Variants in CCSER1 observed in about 807,000 individuals in gnomAD.
The protein encoded by CCSER1 is coiled-coil serine rich protein 1.
A neutral mutation model predicts 82.0 loss-of-function variants in CCSER1; 41 were observed. That is an observed-to-expected ratio of 0.50 (90% confidence interval 0.39 to 0.65). The LOEUF is 0.65. CCSER1 is among the 30% of genes least tolerant of loss of function. The pLI, the probability that CCSER1 is intolerant of heterozygous loss-of-function variation, is 0.00. For missense variants in CCSER1, 1,119 were observed against 1,064.2 expected, an observed-to-expected ratio of 1.05 and a Z score of -0.72; for synonymous variants, 414 against 383.9, an observed-to-expected ratio of 1.08 and a Z score of -0.92.
intron 9 of CCSER1, among the ~76,000 whole-genome samples, chr4:91,064,838 GA>G (rs763729459): frequency 9.3e-5 from 14 of 150,520 alleles, no homozygotes; most frequent in Non-Finnish European, 1.9e-4. Flanking sequence ...ATACGTAGGG[GA>G]CAGAGGAACA....
intron 10 of CCSER1, among the ~76,000 whole-genome samples, chr4:91,357,363 T>G (rs1748915773): frequency 6.6e-6 from 1 of 152,194 alleles, no homozygotes; most frequent in African/African-American, 2.4e-5. Flanking sequence ...CTCTTTAATC[T>G]TTTATAATTT....
At chr4:90,747,827 A>G (rs1747772391) in intron 7 of CCSER1, among the ~76,000 whole-genome samples, 2 of 96,082 alleles carry the variant, frequency 2.1e-5, no homozygotes, top group African/African-American at 4.1e-5. Flanking sequence ...AACAGTCCCC[A>G]GAGTGTGATG....
intron 5 of CCSER1, among the ~76,000 whole-genome samples, chr4:90,544,109 G>A (rs568047703): frequency 4.6e-5 from 7 of 152,218 alleles, no homozygotes; most frequent in East Asian, 1.9e-4. Context: ...ATGCCTGCAC[G>A]TGTGAGGGGT....
At chr4:90,785,407 C>G (rs960870144) in intron 7 of CCSER1, among the ~76,000 whole-genome samples, 2 of 152,092 alleles carry the variant, frequency 1.3e-5, no homozygotes, top group African/African-American at 4.8e-5. Context: ...TTGACTGGCT[C>G]TCTTTTTAAG....
chr4:91,542,380 T>C (rs1387207104), intron 10 of CCSER1, among the ~76,000 whole-genome samples: 1 of 152,196 alleles, frequency 6.6e-6, no homozygotes, highest in Non-Finnish European at 1.5e-5. Flanking sequence ...TTGAAGTCTT[T>C]AATCCATCTT....
intron 3 of CCSER1, among the ~76,000 whole-genome samples, chr4:90,360,801 C>G (rs1745255187): frequency 6.6e-6 from 1 of 152,020 alleles, no homozygotes; most frequent in Non-Finnish European, 1.5e-5. Flanking sequence ...TATGAATTAC[C>G]ATACGGTTAA....
At chr4:91,089,348 C>T (rs1581527026) in intron 10 of CCSER1, among the ~76,000 whole-genome samples, 2 of 152,214 alleles carry the variant, frequency 1.3e-5, no homozygotes, top group Admixed American at 1.3e-4. Context: ...TAAGGTCAGG[C>T]AGGCCCAGGC....
chr4:91,300,196 G>C (rs1329606089), intron 10 of CCSER1, among the ~76,000 whole-genome samples: 1 of 151,884 alleles, frequency 6.6e-6, no homozygotes, highest in African/African-American at 2.4e-5. Flanking sequence ...ATATTTATAT[G>C]ATCACATATA....
chr4:90,390,082 T>C (rs1423737227), intron 3 of CCSER1, among the ~76,000 whole-genome samples: 1 of 152,134 alleles, frequency 6.6e-6, no homozygotes, highest in Non-Finnish European at 1.5e-5. Context: ...TCAGTAAAGG[T>C]GCAATGAAAG....
intron 3 of CCSER1, among the ~76,000 whole-genome samples, chr4:90,358,404 T>G (rs981089188): frequency 1.3e-5 from 2 of 152,112 alleles, no homozygotes; most frequent in African/African-American, 2.4e-5. Context: ...AATCACATTT[T>G]CCTCACTTCA....
At chr4:90,791,105 G>A (rs1755166839) in intron 7 of CCSER1, among the ~76,000 whole-genome samples, 1 of 152,186 alleles carries the variant, frequency 6.6e-6, no homozygotes, top group South Asian at 2.1e-4. Flanking sequence ...CAGCAGGAAA[G>A]AGAATGAGTG....
At chr4:91,374,583 C>T (rs186611647) in intron 10 of CCSER1, among the ~76,000 whole-genome samples, 40 of 152,270 alleles carry the variant, frequency 2.6e-4, no homozygotes, top group African/African-American at 9.1e-4. Flanking sequence ...TACCTAGTCA[C>T]CTAAGAGCTA....
chr4:91,466,999 A>ACT (rs1756951286), intron 10 of CCSER1, among the ~76,000 whole-genome samples: 1 of 152,216 alleles, frequency 6.6e-6, no homozygotes, highest in African/African-American at 2.4e-5. Flanking sequence ...AATTAGAAAA[A>ACT]AACTACTTTA....
At chr4:90,234,246 C>G (rs190518910) in intron 1 of CCSER1, among the ~76,000 whole-genome samples, 2,512 of 149,868 alleles carry the variant, frequency 0.017, 42 homozygotes, top group South Asian at 0.049. Flanking sequence ...GATGGTGTCT[C>G]GCTCTTGTCA....
intron 10 of CCSER1, among the ~76,000 whole-genome samples, chr4:91,247,521 A>C (rs1739892267): frequency 6.6e-6 from 1 of 152,138 alleles, no homozygotes; most frequent in Non-Finnish European, 1.5e-5. Context: ...AGGCAATGAC[A>C]CACTAACAAG....
intron 7 of CCSER1, among the ~76,000 whole-genome samples, chr4:90,754,787 A>C (rs1749229657): frequency 6.6e-6 from 1 of 152,224 alleles, no homozygotes; most frequent in Non-Finnish European, 1.5e-5. Context: ...GACAAAGAAA[A>C]CAAAAACAGA....
chr4:91,597,344 A>G (rs1047355691), intron 10 of CCSER1, among the ~76,000 whole-genome samples: 1 of 152,112 alleles, frequency 6.6e-6, no homozygotes, highest in African/African-American at 2.4e-5. Context: ...TATTCAGCAA[A>G]TATTTATTAA....
intron 8 of CCSER1, among the ~76,000 whole-genome samples, chr4:90,896,114 C>G (rs980216698): frequency 2.6e-5 from 4 of 151,764 alleles, no homozygotes; most frequent in Admixed American, 2.6e-4. Context: ...AACTTATAAC[C>G]AGAAAAATGT....
chr4:91,494,861 T>A (rs1033303453), intron 10 of CCSER1, among the ~76,000 whole-genome samples: 4 of 151,828 alleles, frequency 2.6e-5, no homozygotes, highest in African/African-American at 7.2e-5. Flanking sequence ...AGGTCATTTT[T>A]AAAATGTCAT....
Sources: gnomAD v4.1 joint callset for allele counts (sites outside exome capture counted in the v4.1 genomes callset) on GRCh38, gnomAD v4.1.1 for gene constraint, MANE v1.5 for transcripts, NCBI Gene and HGNC (gene_info 2026-07-23, HGNC 2026-07-21) for gene names.